Variants in KIF23 observed in about 807,000 individuals in gnomAD.
The protein encoded by KIF23 is kinesin-like protein KIF23.
KIF23 carries 30 observed loss-of-function variants against 137.5 expected under a neutral mutation model. The observed-to-expected ratio is 0.22, with a 90% CI of 0.16 to 0.30. KIF23 has a LOEUF of 0.30. KIF23 is among the 10% of genes least tolerant of loss of function. The pLI is 1.00. For missense variants in KIF23, 920 were observed against 1,194.3 expected (o/e 0.77, Z 3.38); for synonymous variants, 367 against 391.1 (o/e 0.94, Z 0.73).
At chr15:69,436,854 A>C (rs1178307673) in intron 15 of KIF23, 132 bp downstream of exon 15, 3 of 506,780 alleles carry the variant, frequency 5.9e-6, no homozygotes, top group Non-Finnish European at 6.5e-6. Context: ...TCCTGGGTTC[A>C]AGCGATTCTC....
chr15:69,425,591 A>G (rs2057169946), intron 8 of KIF23, among the ~76,000 whole-genome samples: 1 of 152,186 alleles, frequency 6.6e-6, no homozygotes, highest in African/African-American at 2.4e-5. Flanking sequence ...CTAAAACTTC[A>G]TAAGCCACTT....
In KIF23 at chr15:69,414,350, C is replaced by T; in HGVS notation, c.-116C>T. On this transcript the variant is annotated 5_prime_UTR_variant, in exon 1 of 24. Transcript: ENST00000679126. ...GCTCTTAGCGTCGCCGCCGGCTTCG[C>T]AGAGCACCGCGCCTTAGCCGCGAAG... 1 of 1,441,604 alleles carries T rather than the reference C, an allele frequency of 6.9e-7. No homozygotes were observed. Among genetic ancestry groups the T allele is most frequent in the Admixed American group, 2.1e-5 (1 of 46,622 alleles). 89.3% of individuals were successfully genotyped at this position (1,441,604 alleles called of 1,614,324 possible).
rs1324133807 is a variant in KIF23, at chr15:69,414,429, C to T, written c.-37C>T. On this transcript the variant is annotated 5_prime_UTR_variant, in exon 1 of 24. Coordinates refer to ENST00000679126, the MANE Select transcript of KIF23 (RefSeq NM_001367805.3). ...CCCGCAGTCTTCGCCAGCCAGCCGT[C>T]CCGCATGCGCGTTTGGGCGGCGTGG... 2 of 1,577,786 alleles carry T rather than the reference C, an allele frequency of 1.3e-6. No individual in the cohort carries two copies.
At chr15:69,427,356 C>A (rs1393784236) in intron 10 of KIF23, 1 of 453,570 alleles carries the variant, frequency 2.2e-6, no homozygotes, top group Non-Finnish European at 4.4e-6. Context: ...ACTTTTTTTT[C>A]CCCATTATTA....
Position 69,427,394 on chromosome 15 carries a change from T to C in KIF23, c.1011+937T>C, listed in dbSNP as rs112772995. On this transcript the variant is annotated intron_variant, in intron 10 of 23. Coordinates refer to ENST00000679126, the MANE Select transcript of KIF23 (RefSeq NM_001367805.3). ...GTTTTGGGAAGCTGGATATCGAATC[T>C]TAGAGCCTGAATTTTGCTGTGAAAA... 237 of 456,054 alleles carry C rather than the reference T, an allele frequency of 5.2e-4. 1 individual carries two copies. Among genetic ancestry groups the C allele is most frequent in the South Asian group, 1.8e-3 (117 of 64,560 alleles). The allele number at this position is 456,054 out of a possible 1,614,324, so 28.3% of individuals were successfully genotyped here. A position where few individuals can be genotyped will look rare whatever the true frequency, so the allele number is the denominator to read the frequency against.
At position 69,416,200 on chromosome 15, in the gene KIF23, G is replaced by A. The variant is rs1321039332; in HGVS notation, c.81+137G>A. 67 of 507,830 alleles carry A rather than the reference G, an allele frequency of 1.3e-4. 1 individual carries two copies. The South Asian group carries it at 2.2e-3, about 17-fold the overall frequency. The allele number at this position is 507,830 out of a possible 1,614,324, so 31.5% of individuals were successfully genotyped here. ...TCAAAGAACATTTAGTTAAATGGAT[G>A]TACTACATTGTGTAAAACTAGTGCT... On this transcript the variant is annotated intron_variant, in intron 2 of 23. Coordinates refer to ENST00000679126, the MANE Select transcript of KIF23 (RefSeq NM_001367805.3).
intron 19 of KIF23, among the ~76,000 whole-genome samples, chr15:69,442,593 CTTAAG>C (rs1380868319): frequency 6.6e-6 from 1 of 152,194 alleles, no homozygotes; most frequent in South Asian, 2.1e-4. Flanking sequence ...TCTAAAGTCT[CTTAAG>C]TTCTTTACTT....
chr15:69,425,323 T>C lies in KIF23; in HGVS notation c.776T>C (p.Val259Ala), dbSNP rs780674691. ...CSTPMRNTDF[V>A]PPQSKLLRED... ...ACACCCATGAGGAACACAGATTTTG[T>C]GTATGTGATGGTGTTGGCTCTTTTC... Residue 259 changes from valine (V) to alanine (A), a missense_variant and splice_region_variant, in exon 8 of 24, where the codon GTA (valine) becomes GCA (alanine). Coordinates refer to ENST00000679126, the MANE Select transcript of KIF23 (RefSeq NM_001367805.3). 1.3e-6 allele frequency: 2 copies of C among 1,535,770 alleles called. No homozygotes were observed. Among genetic ancestry groups the C allele is most frequent in the Non-Finnish European group, 1.7e-6 (2 of 1,146,636 alleles).
rs778683540 is a variant in KIF23 at position 69,417,496 on chromosome 15, T to A, written c.195T>A (p.Asn65Lys). Residue 65 changes from asparagine (N) to lysine (K), a missense_variant, in exon 3 of 24, where the codon AAT becomes AAA. Asn to Lys is a moderately conservative substitution (Grantham distance 94, BLOSUM62 0). Coordinates refer to ENST00000679126, the MANE Select transcript of KIF23 (RefSeq NM_001367805.3). ...CTGAGGGCTACAGACTCAACCGAAATGGAGACTATAAGGAGGTAATTCTGA... is the reference window on the plus strand; with the variant it reads ...CTGAGGGCTACAGACTCAACCGAAAAGGAGACTATAAGGAGGTAATTCTGA... ...HTPEGYRLNR[N>K]GDYKETQYSF... is the part of the protein sequence containing the mutation. 3 of 1,613,456 alleles carry A rather than the reference T, an allele frequency of 1.9e-6. No individual in the cohort carries two copies. The highest frequency in any genetic ancestry group is 2.2e-5 in the South Asian group (2 of 90,904).
chr15:69,440,732 C>T (rs777603565), intron 18 of KIF23, 36 bp from the exon 19 acceptor site: 1 of 1,512,022 alleles, frequency 6.6e-7, no homozygotes, highest in Non-Finnish European at 8.9e-7. Flanking sequence ...CTCAGTTTTT[C>T]AGTCTTGCTC....
chr15:69,435,027 C>T (rs2057442196), intron 11 of KIF23: 2 of 583,094 alleles, frequency 3.4e-6, no homozygotes, highest in African/African-American at 3.7e-5. Flanking sequence ...GTTGGCATCT[C>T]CCTGGTGTGG....
At chr15:69,428,010 G>A (rs2057247774) in intron 10 of KIF23, among the ~76,000 whole-genome samples, 1 of 152,188 alleles carries the variant, frequency 6.6e-6, no homozygotes, top group African/African-American at 2.4e-5. Flanking sequence ...TGTAATCCCA[G>A]CACTTTGGGA....
rs1477360558 is a variant in KIF23 at position 69,440,438 on chromosome 15, G to A, written c.2060G>A (p.Arg687Gln). 1.9e-6 allele frequency: 3 copies of A among 1,612,994 alleles called. No homozygotes were observed. Among genetic ancestry groups the A allele is most frequent in the African/African-American group, 1.3e-5 (1 of 74,872 alleles). ...AAGCCAGAGAGACCCTCTCGGGAGC[G>A]AGATCGAGAAAAAGTTACTCAAAGA... ...TEKPERPSRE[R>Q]DREKVTQRSV... is the part of the protein sequence containing the mutation. The change falls in exon 18 of 24, where the codon CGA (arginine) becomes CAA (glutamine). Residue 687 changes from arginine (R) to glutamine (Q), a missense_variant. Coordinates refer to ENST00000679126, the MANE Select transcript of KIF23 (RefSeq NM_001367805.3).
chr15:69,414,456 G>T lies in KIF23; in HGVS notation c.-10G>T. On this transcript the variant is annotated 5_prime_UTR_variant, in exon 1 of 24. Coordinates refer to ENST00000679126, the MANE Select transcript of KIF23 (RefSeq NM_001367805.3). ...CGCATGCGCGTTTGGGCGGCGTGGA[G>T]CCTGCTGCCATGAAGTCAGCGTGAG... 6.3e-7 allele frequency: 1 copy of T among 1,588,888 alleles called. No individual in the cohort carries two copies. The highest frequency in any genetic ancestry group is 8.6e-7 in the Non-Finnish European group (1 of 1,168,174).
intron 15 of KIF23, among the ~76,000 whole-genome samples, chr15:69,437,529 C>T (rs1386080698): frequency 1.4e-5 from 2 of 146,664 alleles, no homozygotes; most frequent in African/African-American, 2.5e-5. Context: ...GGCGCAATCT[C>T]GGCTCACTGC....
chr15:69,419,426 A>G (rs142019430), intron 3 of KIF23, among the ~76,000 whole-genome samples: 7 of 152,348 alleles, frequency 4.6e-5, no homozygotes, highest in African/African-American at 1.4e-4. Context: ...TTCATCTTTT[A>G]GTATTCATCC....
At chr15:69,434,647 G>C (rs2057429482) in intron 11 of KIF23, 9 of 1,467,514 alleles carry the variant, frequency 6.1e-6, no homozygotes, top group Non-Finnish European at 8.5e-6. Context: ...AAAAAGTCAT[G>C]GAGGATGTCT....
intron 2 of KIF23, among the ~76,000 whole-genome samples, chr15:69,417,121 TATA>T (rs2056935796): frequency 6.6e-6 from 1 of 152,192 alleles, no homozygotes; most frequent in Admixed American, 6.5e-5. Flanking sequence ...TTGTGTACAA[TATA>T]ATAGTGAATA....
At chr15:69,429,066 C>T in intron 10 of KIF23, 45 bp from the exon 11 acceptor site, 1 of 1,269,054 alleles carries the variant, frequency 7.9e-7, no homozygotes, top group Non-Finnish European at 1.1e-6. Flanking sequence ...ACATTATAAA[C>T]CAGTTATAAC....
Sources: gnomAD v4.1 joint callset for allele counts (sites outside exome capture counted in the v4.1 genomes callset) on GRCh38, gnomAD v4.1.1 for gene constraint, MANE v1.5 for transcripts, NCBI Gene and HGNC (gene_info 2026-07-23, HGNC 2026-07-21) for gene names.